HMCN1: variants seen among roughly 807,000 people sequenced by gnomAD.
The protein encoded by HMCN1 is hemicentin 1.
A neutral mutation model predicts 625.9 loss-of-function variants in HMCN1; 321 were observed. The ratio of observed to expected loss-of-function variants is 0.51; its 90% CI spans 0.47 to 0.56. The LOEUF (loss-of-function observed/expected upper bound fraction) is 0.56. HMCN1 is among the 20% of genes least tolerant of loss of function. The pLI is 0.00. For missense variants in HMCN1, 6,588 were observed against 6,887.3 expected (o/e 0.96, Z 1.54); for synonymous variants, 2,425 against 2,417.6 (o/e 1.00, Z -0.09).
intron 1 of HMCN1, among the ~76,000 whole-genome samples, chr1:185,737,744 G>T (rs1442679961): frequency 6.6e-6 from 1 of 151,966 alleles, no homozygotes; most frequent in African/African-American, 2.4e-5. Flanking sequence ...GACATCTATC[G>T]CATTTAGCTA....
At chr1:186,059,174 T>C (rs941011545) in intron 46 of HMCN1, among the ~76,000 whole-genome samples, 4 of 152,060 alleles carry the variant, frequency 2.6e-5, no homozygotes, top group Non-Finnish European at 2.9e-5. Context: ...AACTTTCCTA[T>C]GTCCTTACTA....
chr1:186,066,022 A>G (rs1450720189), intron 49 of HMCN1, among the ~76,000 whole-genome samples: 1 of 152,164 alleles, frequency 6.6e-6, no homozygotes, highest in Non-Finnish European at 1.5e-5. Context: ...GTTTGTTTTT[A>G]TAGTTATTGG....
intron 85 of HMCN1, among the ~76,000 whole-genome samples, chr1:186,130,971 GGA>G (rs1363467777): frequency 6.6e-6 from 1 of 152,104 alleles, no homozygotes; most frequent in Non-Finnish European, 1.5e-5. Flanking sequence ...TTTAGGACAA[GGA>G]AATTGAAGAA....
At chr1:186,014,349 G>C (rs964896294) in intron 30 of HMCN1, among the ~76,000 whole-genome samples, 1 of 151,338 alleles carries the variant, frequency 6.6e-6, no homozygotes, top group Non-Finnish European at 1.5e-5. Flanking sequence ...TATACTTTAA[G>C]TTCTAGGGTA....
At chr1:186,046,494 G>A (rs975420879) in intron 41 of HMCN1, among the ~76,000 whole-genome samples, 10 of 151,718 alleles carry the variant, frequency 6.6e-5, no homozygotes, top group Non-Finnish European at 1.2e-4. Context: ...ATGCAAAAGA[G>A]CATGACACTC....
Position 186,114,957 on chromosome 1 carries a change from G to T in HMCN1, c.11404+11G>T, listed in dbSNP as rs187354891. 1.7e-5 allele frequency: 28 copies of T among 1,614,130 alleles called. No homozygotes were observed. The East Asian group carries it at 6.0e-4, about 35-fold the overall frequency. On this transcript the variant is annotated intron_variant, in intron 74 of 106. Coordinates refer to ENST00000271588, the MANE Select transcript of HMCN1 (RefSeq NM_031935.3). ...ATTTACAGGTCCATGGTAAATATCC[G>T]TTTATAGACAACATCCGGTCTCTGT...
At position 186,145,445 on chromosome 1, in the gene HMCN1, G is replaced by T. The variant is rs1486445736; in HGVS notation, c.14309G>T (p.Ser4770Ile). 1.2e-6 allele frequency: 2 copies of T among 1,602,148 alleles called. No individual in the cohort carries two copies. The highest frequency in any genetic ancestry group is 2.2e-5 in the South Asian group (2 of 89,242). The change falls in exon 92 of 107, where the codon AGC (serine) becomes ATC (isoleucine). Residue 4770 changes from serine (S) to isoleucine (I), a missense_variant. Physicochemically the swap from Ser to Ile is moderately radical, Grantham distance 142. Transcript: ENST00000271588. ...CCTTGGAGTGGCTGGGGAACATGCA[G>T]CCGGACGTGTAACGGAGGGCAGATG... is the stretch of plus-strand genomic sequence containing the variant. ...WSPWSGWGTC[S>I]RTCNGGQMRR... is the part of the protein sequence containing the mutation.
intron 11 of HMCN1, among the ~76,000 whole-genome samples, chr1:185,943,042 C>T (rs1213942708): frequency 6.6e-6 from 1 of 151,902 alleles, no homozygotes; most frequent in Admixed American, 6.6e-5. Context: ...ATGAGGATAT[C>T]ATAAAGGACA....
chr1:186,121,434 T>G (rs545199446), intron 80 of HMCN1, among the ~76,000 whole-genome samples: 2 of 152,194 alleles, frequency 1.3e-5, no homozygotes, highest in Admixed American at 6.5e-5. Context: ...CAGAAGTGAA[T>G]GAGAAAACTG....
chr1:185,776,772 T>C (rs1656642917), intron 1 of HMCN1, among the ~76,000 whole-genome samples: 1 of 152,222 alleles, frequency 6.6e-6, no homozygotes, highest in Non-Finnish European at 1.5e-5. Context: ...GCATGTATGT[T>C]TCCCTATAAG....
chr1:186,119,729 AT>A lies in HMCN1; in HGVS notation c.11957-14del, dbSNP rs1231588892. 6.2e-7 allele frequency: 1 copy of A among 1,613,546 alleles called. No individual in the cohort carries two copies. The highest frequency in any genetic ancestry group is 2.2e-5 in the East Asian group (1 of 44,854). On this transcript the variant is annotated splice_polypyrimidine_tract_variant and intron_variant, in intron 78 of 106. Coordinates refer to ENST00000271588, the MANE Select transcript of HMCN1 (RefSeq NM_031935.3). ...CTAGTGCTATTACTTCTTTTTGTTGATTGGTTTTTTTATAGAGCCTCCAGTC... is the reference window on the plus strand; with the variant it reads ...CTAGTGCTATTACTTCTTTTTGTTGATGGTTTTTTTATAGAGCCTCCAGTC...
At chr1:185,872,294 G>C (rs1663667639) in intron 4 of HMCN1, among the ~76,000 whole-genome samples, 1 of 152,042 alleles carries the variant, frequency 6.6e-6, no homozygotes, top group Non-Finnish European at 1.5e-5. Context: ...TTGTCTGTAT[G>C]AGTATGTGCT....
chr1:185,971,722 T>C (rs1326747833), intron 15 of HMCN1, among the ~76,000 whole-genome samples: 3 of 152,218 alleles, frequency 2.0e-5, no homozygotes, highest in Non-Finnish European at 4.4e-5. Flanking sequence ...ATTTGTTTCA[T>C]GTAAGCTAAA....
At chr1:186,092,330 A>C (rs559476379) in intron 64 of HMCN1, among the ~76,000 whole-genome samples, 2 of 152,046 alleles carry the variant, frequency 1.3e-5, no homozygotes, top group Non-Finnish European at 2.9e-5. Flanking sequence ...GGAATTAAAA[A>C]AATTTTATTT....
intron 1 of HMCN1, among the ~76,000 whole-genome samples, chr1:185,755,324 T>G (rs1655063886): frequency 6.6e-6 from 1 of 152,208 alleles, no homozygotes; most frequent in Non-Finnish European, 1.5e-5. Context: ...TTAATCCAAG[T>G]GACTTTGTGG....
At chr1:186,095,602 A>T in intron 68 of HMCN1, 81 bp downstream of exon 68, 1 of 1,448,484 alleles carries the variant, frequency 6.9e-7, no homozygotes, top group Non-Finnish European at 9.4e-7. Context: ...TAATTCTGAG[A>T]ATCAGTTGCT....
chr1:185,938,447 T>C (rs1451879601), intron 11 of HMCN1, among the ~76,000 whole-genome samples: 1 of 152,146 alleles, frequency 6.6e-6, no homozygotes. Flanking sequence ...ATATTTGTTA[T>C]AGTTTTGCTT....
intron 35 of HMCN1, among the ~76,000 whole-genome samples, chr1:186,020,772 T>C (rs140910268): frequency 8.5e-5 from 13 of 152,096 alleles, no homozygotes; most frequent in Non-Finnish European, 1.9e-4. Flanking sequence ...TTCAAGAATA[T>C]GTGCATGGGC....
intron 10 of HMCN1, 83 bp from the exon 11 acceptor site, chr1:185,933,466 A>G (rs1667653345): frequency 1.5e-6 from 2 of 1,339,938 alleles, no homozygotes; most frequent in Non-Finnish European, 2.1e-6. Context: ...TTCAGTACAT[A>G]CTTATTCAGT....
Sources: gnomAD v4.1 joint callset for allele counts (sites outside exome capture counted in the v4.1 genomes callset) on GRCh38, gnomAD v4.1.1 for gene constraint, MANE v1.5 for transcripts, NCBI Gene and HGNC (gene_info 2026-07-23, HGNC 2026-07-21) for gene names.